The following ZNF780A variants were observed in gnomAD, a reference collection of about 807,000 sequenced individuals.
ZNF780A encodes zinc finger protein 780A.
ZNF780A carries 40 observed loss-of-function variants against 56.7 expected under a neutral mutation model. That is an observed-to-expected ratio of 0.71 (90% CI 0.55 to 0.92). The LOEUF is 0.92. Among genes scored for constraint, ZNF780A ranks in the 40% least tolerant of loss-of-function variants. ZNF780A has a pLI of 0.00. For missense variants in ZNF780A, 672 were observed against 783.3 expected, an observed-to-expected ratio of 0.86 and a Z score of 1.70; for synonymous variants, 231 against 248.3, an observed-to-expected ratio of 0.93 and a Z score of 0.66.
downstream of ZNF780A, chr19:40,072,846 A>G: frequency 6.5e-7 from 1 of 1,529,024 alleles, no homozygotes; most frequent in African/African-American, 1.4e-5. Context: ...CCAAAATTTG[A>G]GCGCCTACAT....
chr19:40,082,425 C>T (rs1290642030), intron 4 of ZNF780A, among the ~76,000 whole-genome samples: 1 of 152,170 alleles, frequency 6.6e-6, no homozygotes, highest in Non-Finnish European at 1.5e-5. Context: ...ACATTTATAG[C>T]TCACTCAGTA....
In ZNF780A at chr19:40,074,124, C is replaced by A; in HGVS notation, c.*392G>T. ...ATAGAGTTTCTCACCAGTATGAATACTCTGATGTTGAACAAGGTTTGAGCC... is the reference window on the plus strand; with the variant it reads ...ATAGAGTTTCTCACCAGTATGAATAATCTGATGTTGAACAAGGTTTGAGCC... On this transcript the variant is annotated 3_prime_UTR_variant, in exon 6 of 6. Coordinates refer to ENST00000683561, the MANE Select transcript of ZNF780A (RefSeq NM_001142578.2). The A allele has an allele frequency of 1.5e-6, 2 of 1,308,648 alleles. No individual in the cohort carries two copies. Among genetic ancestry groups the A allele is most frequent in the East Asian group, 8.4e-5 (2 of 23,846 alleles). The allele number at this position is 1,308,648 out of a possible 1,614,324, so 81.1% of individuals were successfully genotyped here. A position where few individuals can be genotyped will look rare whatever the true frequency, so the allele number is the denominator to read the frequency against.
Position 40,074,816 on chromosome 19 carries a change from T to G in ZNF780A, c.1626A>C (p.Ser542=). ...KECGKFFRRG[S]NLNQHRSIHT... Reference sequence around the variant, plus strand: ...GAATACTTCGATGTTGATTAAGATTTGAACCACGACGAAAGAATTTCCCAC... The same window carrying G: ...GAATACTTCGATGTTGATTAAGATTGGAACCACGACGAAAGAATTTCCCAC... Residue 542 remains serine, a synonymous_variant, in exon 6 of 6, where the codon TCA becomes TCC. Transcript: ENST00000683561. The G allele has an allele frequency of 6.2e-7, 1 of 1,614,104 alleles. No individual in the cohort carries two copies. The highest frequency in any genetic ancestry group is 8.5e-7 in the Non-Finnish European group (1 of 1,179,960).
rs756616005 is a variant in ZNF780A at position 40,073,148 on chromosome 19, C to T, written c.*1368G>A. 6.6e-5 allele frequency: 72 copies of T among 1,092,612 alleles called. No individual in the cohort carries two copies. Among genetic ancestry groups the T allele is most frequent in the Non-Finnish European group, 7.9e-5 (67 of 847,622 alleles). 67.7% of individuals were successfully genotyped at this position (1,092,612 alleles called of 1,614,324 possible). On this transcript the variant is annotated 3_prime_UTR_variant, in exon 6 of 6. Transcript: ENST00000683561. ...CTAAAACTTATTCTCAATGGTACAA[C>T]AAATATACAAAAAATAAACGTGCAA... is the stretch of plus-strand genomic sequence containing the variant.
At chr19:40,082,004 T>A in intron 4 of ZNF780A, 90 bp from the exon 5 acceptor site, 1 of 878,098 alleles carries the variant, frequency 1.1e-6, no homozygotes, top group Non-Finnish European at 1.7e-6. Flanking sequence ...TACAATAAAT[T>A]ACAAGTCAAA....
rs1568446937 is a variant in ZNF780A, at chr19:40,075,726, T to C, written c.716A>G (p.His239Arg). 6.2e-7 allele frequency: 1 copy of C among 1,614,124 alleles called. No individual in the cohort carries two copies. The highest frequency in any genetic ancestry group is 8.5e-7 in the Non-Finnish European group (1 of 1,180,002). ...TTTCTCACCTGTGTGAATGTTCTTA[T>C]GGCGATTAAGCAGGGTAAGAAGACT... ...AFSLLTLLNR[H>R]KNIHTGEKLF... Residue 239 changes from histidine (H) to arginine (R), a missense_variant, in exon 6 of 6, where the codon CAT becomes CGT. Transcript: ENST00000683561.
chr19:40,074,020 G>T lies in ZNF780A; in HGVS notation c.*496C>A, dbSNP rs948392947. On this transcript the variant is annotated 3_prime_UTR_variant, in exon 6 of 6. Transcript: ENST00000683561. ...TTCCCACATTCTGTACATTCACAGG[G>T]TTTCATACCAGTATGAATTCTTTGA... 3.8e-5 allele frequency: 44 copies of T among 1,170,872 alleles called. No individual in the cohort carries two copies. The highest frequency in any genetic ancestry group is 4.6e-5 in the Non-Finnish European group (43 of 933,332). The allele number at this position is 1,170,872 out of a possible 1,614,324, so 72.5% of individuals were successfully genotyped here. A position where few individuals can be genotyped will look rare whatever the true frequency, so the allele number is the denominator to read the frequency against.
In ZNF780A at chr19:40,074,804, T is replaced by C. The variant is rs1332243672; in HGVS notation, c.1638A>G (p.Gln546=). The change falls in exon 6 of 6, where the codon CAA becomes CAG. Residue 546 remains glutamine, a synonymous_variant. Coordinates refer to ENST00000683561, the MANE Select transcript of ZNF780A (RefSeq NM_001142578.2). ...KFFRRGSNLN[Q]HRSIHTGKKP... Reference sequence around the variant, plus strand: ...TCTTTCCAGTATGAATACTTCGATGTTGATTAAGATTTGAACCACGACGAA... The same window carrying C: ...TCTTTCCAGTATGAATACTTCGATGCTGATTAAGATTTGAACCACGACGAA... 1 of 1,613,988 alleles carries C rather than the reference T, an allele frequency of 6.2e-7. No homozygotes were observed. The highest frequency in any genetic ancestry group is 1.3e-5 in the African/African-American group (1 of 74,930).
intron 2 of ZNF780A, among the ~76,000 whole-genome samples, chr19:40,087,347 T>C (rs7259855): frequency 0.086 from 13,061 of 152,142 alleles, 976 homozygotes; most frequent in African/African-American, 0.19. Context: ...TCCTGACCTC[T>C]ATCCATTAGA....
At chr19:40,072,885 A>G (rs1420614455), downstream of ZNF780A, 3 of 1,549,542 alleles carry the variant, frequency 1.9e-6, no homozygotes, top group African/African-American at 2.7e-5. Context: ...ACAATACACT[A>G]AAGAGAGATA....
chr19:40,073,947 G>C lies in ZNF780A; in HGVS notation c.*569C>G. The C allele has an allele frequency of 9.6e-7, 1 of 1,042,520 alleles. No homozygotes were observed. The highest frequency in any genetic ancestry group is 1.7e-5 in the African/African-American group (1 of 58,798). The allele number at this position is 1,042,520 out of a possible 1,614,324, so 64.6% of individuals were successfully genotyped here. A position where few individuals can be genotyped will look rare whatever the true frequency, so the allele number is the denominator to read the frequency against. On this transcript the variant is annotated 3_prime_UTR_variant, in exon 6 of 6. Coordinates refer to ENST00000683561, the MANE Select transcript of ZNF780A (RefSeq NM_001142578.2). ...CCTTACATTATAGCGTTTCTCACCA[G>C]TATGAATTTTAACATGTTGAACAAT...
chr19:40,090,279 G>A (rs1254011828), intron 1 of ZNF780A, 44 bp from the exon 2 acceptor site: 1 of 152,132 alleles, frequency 6.6e-6, no homozygotes, highest in East Asian at 1.9e-4. Context: ...GCATTTCTTG[G>A]AGCGCAGACT....
intron 2 of ZNF780A, among the ~76,000 whole-genome samples, chr19:40,085,004 G>A (rs1974707597): frequency 6.6e-6 from 1 of 152,196 alleles, no homozygotes; most frequent in Non-Finnish European, 1.5e-5. Flanking sequence ...CCAAGCTCTC[G>A]CCTGCATCCC....
At chr19:40,085,205 A>G (rs1568457164) in intron 2 of ZNF780A, 3 of 985,350 alleles carry the variant, frequency 3.0e-6, no homozygotes, top group Non-Finnish European at 3.6e-6. Flanking sequence ...CATCCAAACC[A>G]GAACCTCTTT....
chr19:40,072,583 C>T (rs575582337), downstream of ZNF780A: 11 of 307,528 alleles, frequency 3.6e-5, no homozygotes, highest in South Asian at 5.1e-4. Context: ...GAGCCGGCAA[C>T]GACTACCCTC....
downstream of ZNF780A, chr19:40,069,303 G>A (rs1017772368): frequency 2.0e-5 from 3 of 153,538 alleles, no homozygotes; most frequent in African/African-American, 7.2e-5. Flanking sequence ...CATGGCAAGA[G>A]AGAAAACAAG....
chr19:40,076,414 G>T (rs766269715), intron 5 of ZNF780A, among the ~76,000 whole-genome samples: 2 of 152,124 alleles, frequency 1.3e-5, no homozygotes, highest in Non-Finnish European at 2.9e-5. Flanking sequence ...AGCCAGCCTG[G>T]TTATGTACAT....
chr19:40,076,946 C>G (rs144019875), intron 5 of ZNF780A, among the ~76,000 whole-genome samples: 1 of 152,160 alleles, frequency 6.6e-6, no homozygotes, highest in Non-Finnish European at 1.5e-5. Flanking sequence ...GCACTTACTG[C>G]TTGGGAGCCA....
intron 5 of ZNF780A, among the ~76,000 whole-genome samples, chr19:40,077,879 TAACA>T (rs1974234834): frequency 4.2e-5 from 4 of 96,352 alleles, no homozygotes; most frequent in Admixed American, 3.0e-4. Context: ...ACACAGGAAA[TAACA>T]AAAAAAAAAA....
Sources: allele counts gnomAD v4.1 joint callset (sites outside exome capture counted in the v4.1 genomes callset), GRCh38; gene constraint gnomAD v4.1.1; transcripts MANE v1.5; gene names NCBI Gene and HGNC (gene_info 2026-07-23, HGNC 2026-07-21).